MTHFD1: variants seen among roughly 807,000 people sequenced by gnomAD.
The protein encoded by MTHFD1 is C-1-tetrahydrofolate synthase, cytoplasmic.
Under a neutral mutation model 110.3 loss-of-function variants are expected in MTHFD1, and 44 were observed. The observed-to-expected ratio is 0.40, with a 90% confidence interval of 0.31 to 0.51. The LOEUF is 0.51. Among genes scored for constraint, MTHFD1 ranks in the 20% least tolerant of loss-of-function variants. The pLI is 0.60. For missense variants in MTHFD1, 909 were observed against 1,173.1 expected (o/e 0.77, Z 3.29); for synonymous variants, 402 against 428.8 (o/e 0.94, Z 0.77).
At chr14:64,419,249 A>G (rs1402579335) in intron 7 of MTHFD1, 1 of 182,926 alleles carries the variant, frequency 5.5e-6, no homozygotes, top group African/African-American at 2.4e-5. Context: ...GCCAGATCCC[A>G]TGTGTGTAAA....
intron 8 of MTHFD1, among the ~76,000 whole-genome samples, chr14:64,421,278 G>C (rs2078068183): frequency 6.6e-6 from 1 of 152,194 alleles, no homozygotes; most frequent in African/African-American, 2.4e-5. Flanking sequence ...AGTGGTCACT[G>C]TGGCGCCACA....
chr14:64,424,566 T>C (rs1378371311), intron 8 of MTHFD1, among the ~76,000 whole-genome samples: 4 of 152,212 alleles, frequency 2.6e-5, no homozygotes, highest in Admixed American at 1.3e-4. Context: ...CCTGAGAGAC[T>C]ACAAAAGGAT....
intron 1 of MTHFD1, among the ~76,000 whole-genome samples, chr14:64,399,376 C>T (rs536530367): frequency 6.6e-6 from 1 of 152,132 alleles, no homozygotes; most frequent in Non-Finnish European, 1.5e-5. Flanking sequence ...AAAAGATCCA[C>T]GTGTCCGGGA....
Position 64,417,291 on chromosome 14 carries a change from G to C in MTHFD1, c.479-597G>C, listed in dbSNP as rs2078032052. Among the ~76,000 whole-genome samples the C allele has an allele frequency of 6.6e-6, 1 of 152,158 alleles. No homozygotes were observed. Among genetic ancestry groups the C allele is most frequent in the Non-Finnish European group, 1.5e-5 (1 of 68,022 alleles). ...ATGAGTCAGCCCTGAAAAGGACATT[G>C]GTATATTGCCAGAAAAATGGATGCT... On this transcript the variant is annotated intron_variant, in intron 6 of 27. Coordinates refer to ENST00000652337, the MANE Select transcript of MTHFD1 (RefSeq NM_005956.4). The surrounding 1 kb of genome is among the most constrained non-coding windows in gnomAD (Gnocchi z 4.4).
At chr14:64,420,799 C>T (rs1291546356) in intron 8 of MTHFD1, among the ~76,000 whole-genome samples, 1 of 152,212 alleles carries the variant, frequency 6.6e-6, no homozygotes, top group Non-Finnish European at 1.5e-5. Flanking sequence ...CTCACTTGCG[C>T]ATGGTGAATA....
At chr14:64,421,439 C>T (rs939581038) in intron 8 of MTHFD1, among the ~76,000 whole-genome samples, 8 of 152,144 alleles carry the variant, frequency 5.3e-5, no homozygotes, top group Admixed American at 2.6e-4. Context: ...AAGCCTTCAC[C>T]GTTTTTAACC....
intron 1 of MTHFD1, among the ~76,000 whole-genome samples, chr14:64,394,718 T>G (rs2077833658): frequency 6.6e-6 from 1 of 152,154 alleles, no homozygotes; most frequent in African/African-American, 2.4e-5. Flanking sequence ...AAGTGATCTT[T>G]GGGTTTAGGT....
intron 7 of MTHFD1, among the ~76,000 whole-genome samples, 189 bp downstream of exon 7, chr14:64,418,213 G>A (rs868824915): frequency 1.3e-5 from 2 of 152,152 alleles, no homozygotes; most frequent in Non-Finnish European, 2.9e-5. Flanking sequence ...TTGGGAGTCT[G>A]AGGCAGGAGG....
chr14:64,444,767 G>C (rs778187701), intron 22 of MTHFD1, 33 bp downstream of exon 22: 20 of 1,609,418 alleles, frequency 1.2e-5, no homozygotes, highest in Admixed American at 6.7e-5. Flanking sequence ...ACGTGTCCTA[G>C]AAAGCACCAC....
chr14:64,419,771 A>G, intron 7 of MTHFD1, 43 bp from the exon 8 acceptor site: 1 of 1,311,626 alleles, frequency 7.6e-7, no homozygotes, highest in Non-Finnish European at 1.1e-6. Flanking sequence ...TTTGGTGTGT[A>G]TTTCATTATT....
intron 19 of MTHFD1, 155 bp downstream of exon 19, chr14:64,441,608 C>T (rs552550646): frequency 6.8e-5 from 46 of 680,714 alleles, no homozygotes; most frequent in South Asian, 1.1e-4. Flanking sequence ...AGATCGAGAC[C>T]ATCCTGGCTA....
At chr14:64,441,017 C>G (rs1245106410) in intron 18 of MTHFD1, 1 of 339,882 alleles carries the variant, frequency 2.9e-6, no homozygotes, top group Non-Finnish European at 5.8e-6. Context: ...CAATGAAACC[C>G]TGTCTCTACT....
intron 16 of MTHFD1, among the ~76,000 whole-genome samples, chr14:64,436,831 ACTTTT>A (rs1447425405): frequency 2.0e-5 from 3 of 152,210 alleles, no homozygotes; most frequent in Non-Finnish European, 4.4e-5. Context: ...TATCCGATTT[ACTTTT>A]CTTTTGCTTC....
intron 13 of MTHFD1, among the ~76,000 whole-genome samples, 197 bp from the exon 14 acceptor site, chr14:64,431,335 G>A (rs1323638384): frequency 6.6e-6 from 1 of 152,038 alleles, no homozygotes; most frequent in African/African-American, 2.4e-5. Flanking sequence ...CAAAGTGCTG[G>A]TATTATAGTT....
intron 15 of MTHFD1, among the ~76,000 whole-genome samples, chr14:64,433,113 ATTGG>A (rs1264614660): frequency 3.7e-4 from 56 of 151,630 alleles, no homozygotes; most frequent in African/African-American, 1.2e-3. Flanking sequence ...TCAAAAATTT[ATTGG>A]TTGGTTGTTT....
At chr14:64,453,172 CTATATA>C (rs774233482) in intron 24 of MTHFD1, among the ~76,000 whole-genome samples, 2 of 151,674 alleles carry the variant, frequency 1.3e-5, no homozygotes, top group Admixed American at 6.6e-5. Flanking sequence ...GTATCTATAT[CTATATA>C]TATATGTATG....
At chr14:64,447,260 A>T (rs1324579166) in intron 22 of MTHFD1, among the ~76,000 whole-genome samples, 1 of 136,008 alleles carries the variant, frequency 7.4e-6, no homozygotes, top group African/African-American at 2.8e-5. Context: ...GGTTCAAGTG[A>T]TTCTCCTCCC....
chr14:64,430,393 G>A (rs1328042621), intron 13 of MTHFD1, among the ~76,000 whole-genome samples, 163 bp downstream of exon 13: 2 of 150,578 alleles, frequency 1.3e-5, no homozygotes, highest in East Asian at 3.9e-4. Context: ...CTGCCTCCCA[G>A]GTTCAAGCAA....
intron 1 of MTHFD1, among the ~76,000 whole-genome samples, chr14:64,396,424 T>C (rs1357050076): frequency 7.0e-6 from 1 of 142,764 alleles, no homozygotes; most frequent in Non-Finnish European, 1.5e-5. Flanking sequence ...GGAGTTTCAC[T>C]CTTGTTGCCT....
Sources: allele counts gnomAD v4.1 joint callset (sites outside exome capture counted in the v4.1 genomes callset), GRCh38; gene constraint gnomAD v4.1.1; non-coding constraint Gnocchi (gnomAD v3.1); transcripts MANE v1.5; gene names NCBI Gene and HGNC (gene_info 2026-07-23, HGNC 2026-07-21).